CSMD3: variants seen among roughly 807,000 people sequenced by gnomAD.
CSMD3 encodes the protein CUB and Sushi multiple domains 3.
A neutral mutation model predicts 435.2 loss-of-function variants in CSMD3; 177 were observed. That is an observed-to-expected ratio of 0.41 (90% CI 0.36 to 0.46). CSMD3 has a LOEUF of 0.46. Among genes scored for constraint, CSMD3 ranks in the 20% least tolerant of loss-of-function variants. The pLI is 0.34. For synonymous variants in CSMD3, 1,656 were observed against 1,520.5 expected (o/e 1.09, Z -2.07); for missense variants, 4,265 against 4,504.6 (o/e 0.95, Z 1.52).
intron 3 of CSMD3, among the ~76,000 whole-genome samples, chr8:113,259,818 G>T (rs1474002796): frequency 6.6e-6 from 1 of 152,208 alleles, no homozygotes; most frequent in East Asian, 1.9e-4. Flanking sequence ...ATACTCAAGG[G>T]TTGTATAAGA....
At chr8:113,403,332 A>G (rs2094518599) in intron 1 of CSMD3, among the ~76,000 whole-genome samples, 1 of 151,394 alleles carries the variant, frequency 6.6e-6, no homozygotes, top group South Asian at 2.1e-4. Context: ...TCAAAATCTA[A>G]TATTTTAAAG....
Position 112,524,830 on chromosome 8 carries a change from T to C in CSMD3, c.4565-7605A>G, listed in dbSNP as rs140223231. Among the ~76,000 whole-genome samples the C allele has an allele frequency of 3.9e-3, 599 of 152,176 alleles. 1 individual carries two copies. Among genetic ancestry groups the C allele is most frequent in the African/African-American group, 0.014 (572 of 41,572 alleles). ...GTGTACAAAAAGCATCTTCTTTATATGAATTATCTGAATATTAAAATAACG... is the reference window on the plus strand; with the variant it reads ...GTGTACAAAAAGCATCTTCTTTATACGAATTATCTGAATATTAAAATAACG... On this transcript the variant is annotated intron_variant, in intron 27 of 70. Coordinates refer to ENST00000297405, the MANE Select transcript of CSMD3 (RefSeq NM_198123.2).
intron 4 of CSMD3, among the ~76,000 whole-genome samples, chr8:113,135,202 T>G (rs1437832114): frequency 6.6e-6 from 1 of 151,978 alleles, no homozygotes; most frequent in Non-Finnish European, 1.5e-5. Context: ...GATTATAATT[T>G]CCACACTAAC....
chr8:112,774,992 T>C (rs1306255848), intron 13 of CSMD3, among the ~76,000 whole-genome samples: 1 of 151,918 alleles, frequency 6.6e-6, no homozygotes, highest in African/African-American at 2.4e-5. Flanking sequence ...TACTTATAGA[T>C]AGGCCTTTGG....
intron 31 of CSMD3, among the ~76,000 whole-genome samples, chr8:112,488,317 T>C (rs1820338329): frequency 6.6e-6 from 1 of 152,182 alleles, no homozygotes; most frequent in Non-Finnish European, 1.5e-5. Context: ...ATTAAGGTGT[T>C]ACACGCTAAA....
intron 22 of CSMD3, among the ~76,000 whole-genome samples, chr8:112,628,339 C>T (rs1834658756): frequency 6.6e-6 from 1 of 152,012 alleles, no homozygotes; most frequent in Non-Finnish European, 1.5e-5. Flanking sequence ...TTCTATCAAT[C>T]ATAATCATAA....
chr8:112,940,465 A>G (rs1466665380), intron 9 of CSMD3, among the ~76,000 whole-genome samples: 1 of 151,862 alleles, frequency 6.6e-6, no homozygotes, highest in Non-Finnish European at 1.5e-5. Context: ...TATGAATATA[A>G]GGATCCCACA....
At chr8:113,317,694 T>C (rs1233739632) in intron 1 of CSMD3, among the ~76,000 whole-genome samples, 1 of 152,140 alleles carries the variant, frequency 6.6e-6, no homozygotes, top group Non-Finnish European at 1.5e-5. Flanking sequence ...TAAAGCAAAA[T>C]ATCCTCCCTC....
chr8:112,987,856 C>T (rs1009647365), intron 6 of CSMD3, among the ~76,000 whole-genome samples: 1 of 151,950 alleles, frequency 6.6e-6, no homozygotes, highest in Admixed American at 6.6e-5. Context: ...TCTCTATATT[C>T]CCTCCCTAGT....
intron 3 of CSMD3, among the ~76,000 whole-genome samples, chr8:113,260,479 G>A (rs1018350281): frequency 1.1e-4 from 16 of 152,154 alleles, no homozygotes; most frequent in African/African-American, 3.9e-4. Flanking sequence ...GAGGCTCTGG[G>A]AACCCAAACA....
intron 3 of CSMD3, among the ~76,000 whole-genome samples, chr8:113,268,611 C>T (rs1038204055): frequency 2.6e-5 from 4 of 151,940 alleles, no homozygotes; most frequent in Admixed American, 6.6e-5. Context: ...GGCCCTTAAA[C>T]TCTAGCAATA....
At chr8:113,204,414 T>A (rs1318841622) in intron 3 of CSMD3, among the ~76,000 whole-genome samples, 1 of 152,138 alleles carries the variant, frequency 6.6e-6, no homozygotes, top group African/African-American at 2.4e-5. Context: ...CATAGAAACA[T>A]TCTTTATCAC....
At chr8:112,398,949 C>T (rs1362919996) in intron 35 of CSMD3, among the ~76,000 whole-genome samples, 1 of 151,316 alleles carries the variant, frequency 6.6e-6, no homozygotes, top group Non-Finnish European at 1.5e-5. Context: ...CAGAATCTCG[C>T]TCTGTTGCCT....
chr8:113,146,854 T>C (rs2091686844), intron 4 of CSMD3, among the ~76,000 whole-genome samples: 1 of 151,680 alleles, frequency 6.6e-6, no homozygotes, highest in African/African-American at 2.4e-5. Context: ...TACTGAGGTA[T>C]AAGGAATAAA....
At chr8:113,279,810 A>G (rs1297531081) in intron 2 of CSMD3, among the ~76,000 whole-genome samples, 1 of 151,772 alleles carries the variant, frequency 6.6e-6, no homozygotes, top group Non-Finnish European at 1.5e-5. Context: ...TTTTTTCTTT[A>G]TAAGACTTCA....
At chr8:113,040,771 TCACCAGTATATA>T (rs899980644) in intron 5 of CSMD3, among the ~76,000 whole-genome samples, 61 of 151,902 alleles carry the variant, frequency 4.0e-4, no homozygotes, top group Admixed American at 1.0e-3. Flanking sequence ...GCTAAAGGAG[TCACCAGTATATA>T]CATATGGTGT....
chr8:112,943,255 A>T (rs1342499674), intron 9 of CSMD3, among the ~76,000 whole-genome samples: 2 of 151,478 alleles, frequency 1.3e-5, no homozygotes, highest in Admixed American at 1.3e-4. Flanking sequence ...GTAATTTGCA[A>T]ATTTTTTTCC....
At chr8:112,302,888 T>A (rs776905971) in intron 52 of CSMD3, among the ~76,000 whole-genome samples, 2 of 150,952 alleles carry the variant, frequency 1.3e-5, no homozygotes, top group South Asian at 4.1e-4. Context: ...ATATTTATAT[T>A]ATTTTCATTT....
chr8:112,324,614 G>C (rs181804442), intron 45 of CSMD3, among the ~76,000 whole-genome samples: 1 of 151,200 alleles, frequency 6.6e-6, no homozygotes, highest in East Asian at 1.9e-4. Flanking sequence ...TTCTGGAGAT[G>C]AATGATAGCC....
Sources: allele counts gnomAD v4.1 joint callset (sites outside exome capture counted in the v4.1 genomes callset), GRCh38; gene constraint gnomAD v4.1.1; transcripts MANE v1.5; gene names NCBI Gene and HGNC (gene_info 2026-07-23, HGNC 2026-07-21).